The following RAB3GAP2 variants were observed in gnomAD, a reference collection of about 807,000 sequenced individuals.
RAB3GAP2 encodes rab3 GTPase-activating protein non-catalytic subunit.
A neutral mutation model predicts 185.3 loss-of-function variants in RAB3GAP2; 87 were observed. That is an observed-to-expected ratio of 0.47 (90% CI 0.39 to 0.56). RAB3GAP2 has a LOEUF of 0.56. Ranked by LOEUF, RAB3GAP2 falls within the 20% of genes least tolerant of loss-of-function variation. The pLI, the probability that RAB3GAP2 is intolerant of heterozygous loss-of-function variation, is 0.00. For missense variants in RAB3GAP2, 1,492 were observed against 1,638.2 expected, an observed-to-expected ratio of 0.91 and a Z score of 1.54; for synonymous variants, 554 against 576.1, an observed-to-expected ratio of 0.96 and a Z score of 0.55.
At chr1:220,156,621 TAAGA>T (rs1244495581) in intron 31 of RAB3GAP2, among the ~76,000 whole-genome samples, 4 of 152,102 alleles carry the variant, frequency 2.6e-5, no homozygotes, top group Non-Finnish European at 2.9e-5. Flanking sequence ...GCAGCGTGAT[TAAGA>T]AAGGGCTGTT....
intron 1 of RAB3GAP2, among the ~76,000 whole-genome samples, chr1:220,270,918 C>T (rs946178190): frequency 6.6e-6 from 1 of 152,240 alleles, no homozygotes; most frequent in African/African-American, 2.4e-5. Flanking sequence ...CCAACTCTTC[C>T]TCTCCCATCC....
rs184088546 is a variant in RAB3GAP2 at position 220,190,304 on chromosome 1, A to G, written c.1631+73T>C. On this transcript the variant is annotated intron_variant, in intron 15 of 34. Transcript: ENST00000358951. The stretch of plus-strand genomic sequence containing the variant: ...AACAACAAAATAGCAACTACAAAAG[A>G]GAGTACAACAAACCTAGGAACTAGG... The G allele has an allele frequency of 1.8e-5, 29 of 1,594,708 alleles. No individual in the cohort carries two copies. In the Admixed American group the frequency reaches 3.5e-4, roughly 19 times the overall value.
At chr1:220,211,317 G>C (rs1289132666) in intron 4 of RAB3GAP2, 16 of 524,118 alleles carry the variant, frequency 3.1e-5, no homozygotes, top group East Asian at 1.5e-4. Flanking sequence ...ACTGAGCAAA[G>C]CTCAAATGAT....
At chr1:220,190,009 G>T in intron 16 of RAB3GAP2, 55 bp downstream of exon 16, 1 of 1,383,122 alleles carries the variant, frequency 7.2e-7, no homozygotes, top group Non-Finnish European at 1.0e-6. Context: ...ATATTTTATT[G>T]ATTTAAAAGA....
intron 2 of RAB3GAP2, among the ~76,000 whole-genome samples, chr1:220,214,975 T>TATAC (rs1360144410): frequency 2.5e-4 from 36 of 144,820 alleles, no homozygotes; most frequent in Admixed American, 2.0e-3. Context: ...TATATATATA[T>TATAC]ACTTCTATAC....
chr1:220,162,244 G>A lies in RAB3GAP2; in HGVS notation c.3179C>T (p.Thr1060Met), dbSNP rs775475466. 103 of 1,595,202 alleles carry A rather than the reference G, an allele frequency of 6.5e-5. 1 individual carries two copies. Among genetic ancestry groups the A allele is most frequent in the South Asian group, 5.3e-4 (48 of 90,668 alleles). The change falls in exon 28 of 35, where the codon ACG (threonine) becomes ATG (methionine). Residue 1060 changes from threonine to methionine, a missense_variant. Thr to Met is a moderately conservative substitution (Grantham distance 81). Transcript: ENST00000358951. ...AGCAGAAAATCTTTTAACTAAGAAC[G>A]TATTCCACATCATCAGTGCAATGCC... ...QNGIALMMWNTFLVKRFSAAT... is the reference protein window; with the variant it reads ...QNGIALMMWNMFLVKRFSAAT...
At chr1:220,255,572 T>TAGA (rs1470965589) in intron 1 of RAB3GAP2, among the ~76,000 whole-genome samples, 6 of 152,162 alleles carry the variant, frequency 3.9e-5, no homozygotes, top group Middle Eastern at 6.3e-3. Context: ...ACAGCCAGTT[T>TAGA]AGAGAGGAAG....
At chr1:220,165,318 T>C (rs556364678) in intron 26 of RAB3GAP2, among the ~76,000 whole-genome samples, 24 of 151,600 alleles carry the variant, frequency 1.6e-4, no homozygotes, top group African/African-American at 4.8e-5. Flanking sequence ...TTATATTTAG[T>C]ATGTTAATGG....
At chr1:220,208,883 A>C (rs1659025519) in intron 7 of RAB3GAP2, among the ~76,000 whole-genome samples, 1 of 152,058 alleles carries the variant, frequency 6.6e-6, no homozygotes, top group African/African-American at 2.4e-5. Flanking sequence ...TGCCCGGCTA[A>C]TTTTTTGTAT....
At chr1:220,272,092 G>A in intron 1 of RAB3GAP2, 131 bp downstream of exon 1, 1 of 779,872 alleles carries the variant, frequency 1.3e-6, no homozygotes, top group South Asian at 1.5e-5. Context: ...CCGGAGCGGA[G>A]GGGAGGCACG....
chr1:220,163,185 A>G (rs1194263991), intron 27 of RAB3GAP2, among the ~76,000 whole-genome samples: 1 of 152,080 alleles, frequency 6.6e-6, no homozygotes, highest in Non-Finnish European at 1.5e-5. Flanking sequence ...ACAGTTGTCA[A>G]TTAGGCAATG....
At chr1:220,187,043 T>C (rs1658519186) in intron 17 of RAB3GAP2, among the ~76,000 whole-genome samples, 1 of 152,222 alleles carries the variant, frequency 6.6e-6, no homozygotes, top group African/African-American at 2.4e-5. Flanking sequence ...GGCTTTTCTG[T>C]TCTACAATAA....
At chr1:220,234,554 G>A (rs939935955) in intron 1 of RAB3GAP2, among the ~76,000 whole-genome samples, 3 of 152,162 alleles carry the variant, frequency 2.0e-5, no homozygotes, top group African/African-American at 7.2e-5. Context: ...ATTTATAGAA[G>A]AGTTCCATAT....
At chr1:220,194,295 A>C (rs950682514) in intron 12 of RAB3GAP2, among the ~76,000 whole-genome samples, 8 of 151,960 alleles carry the variant, frequency 5.3e-5, no homozygotes, top group Non-Finnish European at 1.2e-4. Context: ...AAAAAAACTC[A>C]CCAATATACT....
intron 1 of RAB3GAP2, among the ~76,000 whole-genome samples, chr1:220,262,592 T>C (rs1309489597): frequency 6.6e-6 from 1 of 152,242 alleles, no homozygotes; most frequent in Non-Finnish European, 1.5e-5. Context: ...GACTGGAATA[T>C]TTCACTTAGC....
At position 220,148,597 on chromosome 1, in the gene RAB3GAP2, A is replaced by G. The variant is rs539381852; in HGVS notation, c.*2654T>C. ...TGAAGTGGACCACAGCAACTTCTAAATGAACATTATATTCAGTGTAAGTCT... is the reference window on the plus strand; with the variant it reads ...TGAAGTGGACCACAGCAACTTCTAAGTGAACATTATATTCAGTGTAAGTCT... On this transcript the variant is annotated 3_prime_UTR_variant, in exon 35 of 35. Transcript: ENST00000358951. The G allele has an allele frequency of 6.6e-6, 1 of 152,306 alleles. No individual in the cohort carries two copies. The highest frequency in any genetic ancestry group is 1.5e-5 in the Non-Finnish European group (1 of 68,002). 9.4% of individuals were successfully genotyped at this position (152,306 alleles called of 1,614,324 possible).
chr1:220,184,273 G>A, intron 18 of RAB3GAP2, 110 bp from the exon 19 acceptor site: 1 of 1,056,388 alleles, frequency 9.5e-7, no homozygotes, highest in Non-Finnish European at 1.4e-6. Flanking sequence ...ATGCTCTGAT[G>A]TATTAAATAC....
At chr1:220,177,348 CA>C (rs1469559336) in intron 21 of RAB3GAP2, among the ~76,000 whole-genome samples, 2 of 152,194 alleles carry the variant, frequency 1.3e-5, no homozygotes, top group Admixed American at 1.3e-4. Flanking sequence ...AGGTCAAGTA[CA>C]AACAAAGCCA....
At chr1:220,244,932 C>T (rs2102898312) in intron 1 of RAB3GAP2, among the ~76,000 whole-genome samples, 1 of 151,704 alleles carries the variant, frequency 6.6e-6, no homozygotes, top group East Asian at 1.9e-4. Flanking sequence ...TTCCTAAGAC[C>T]CCAAAAGCAA....
Sources: allele counts gnomAD v4.1 joint callset (sites outside exome capture counted in the v4.1 genomes callset), GRCh38; gene constraint gnomAD v4.1.1; transcripts MANE v1.5; gene names NCBI Gene and HGNC (gene_info 2026-07-23, HGNC 2026-07-21).